Variants in RNF152 observed in about 807,000 individuals in gnomAD.
The protein encoded by RNF152 is ring finger protein 152, also known as E3 ubiquitin-protein ligase RNF152.
RNF152 carries 11 observed loss-of-function variants against 12.7 expected under a neutral mutation model. The ratio of observed to expected loss-of-function variants is 0.86; its 90% CI spans 0.54 to 1.43. The LOEUF (loss-of-function observed/expected upper bound fraction) is 1.43. Ranked by LOEUF, RNF152 falls within the 40% of genes most tolerant of loss-of-function variation. RNF152 has a pLI of 0.00. For synonymous variants in RNF152, 113 were observed against 120.3 expected (o/e 0.94, Z 0.40); for missense variants, 255 against 274.8 (o/e 0.93, Z 0.51).
chr18:61,839,222 T>A (rs1325684283), intron 1 of RNF152, among the ~76,000 whole-genome samples: 2 of 152,158 alleles, frequency 1.3e-5, no homozygotes, highest in African/African-American at 4.8e-5. Flanking sequence ...TCAGATCTCA[T>A]CCACATTTCA....
At chr18:61,824,977 G>A (rs918949469) in intron 1 of RNF152, among the ~76,000 whole-genome samples, 1 of 152,202 alleles carries the variant, frequency 6.6e-6, no homozygotes, top group Non-Finnish European at 1.5e-5. Flanking sequence ...AGCAAATAAA[G>A]ATGATCAATT....
chr18:61,864,884 G>T (rs1911660071), intron 1 of RNF152, among the ~76,000 whole-genome samples: 1 of 152,234 alleles, frequency 6.6e-6, no homozygotes, highest in African/African-American at 2.4e-5. Flanking sequence ...GCCAGGCGTG[G>T]TGGCGCGTGC....
Position 61,816,399 on chromosome 18 carries a change from CG to C in RNF152, c.64del (p.Arg22GlyfsTer21), listed in dbSNP as rs1280697764. 8 of 1,613,864 alleles carry C rather than the reference CG, an allele frequency of 5.0e-6. No individual in the cohort carries two copies. Among genetic ancestry groups the C allele is most frequent in the Non-Finnish European group, 6.8e-6 (8 of 1,179,994 alleles). On this transcript the variant is annotated frameshift_variant, in exon 2 of 2. Coordinates refer to ENST00000312828, the MANE Select transcript of RNF152 (RefSeq NM_173557.3). LOFTEE classifies it high-confidence loss of function. ...GCAGTCCAGCAACTTGGGCCTGCGC[CG>C]GGGGCTGTAGTAATTGAAACAGATC... ...CQICFNYYSP[R>X]RRPKLLDCKH...
intron 1 of RNF152, among the ~76,000 whole-genome samples, chr18:61,838,691 G>T (rs1224509195): frequency 2.0e-5 from 3 of 152,254 alleles, no homozygotes; most frequent in South Asian, 4.1e-4. Flanking sequence ...CTTTTATCAG[G>T]ATGGCACTAG....
chr18:61,855,454 C>G (rs1434366984), intron 1 of RNF152, among the ~76,000 whole-genome samples: 1 of 152,244 alleles, frequency 6.6e-6, no homozygotes, highest in East Asian at 1.9e-4. Context: ...GCTCCTCGAG[C>G]CAGGGCTGTG....
rs1012862094 is a variant in RNF152, at chr18:61,825,447, C to T, written c.-135-8849G>A. On this transcript the variant is annotated intron_variant, in intron 1 of 1. Coordinates refer to ENST00000312828, the MANE Select transcript of RNF152 (RefSeq NM_173557.3). ...AGCTGGCCCACTGTTCTTTCCACTC[C>T]AGAGATACTGGAGAGAGAAGAAAAC... 3.6e-4 allele frequency among the ~76,000 whole-genome samples: 55 copies of T among 152,222 alleles called. 1 individual carries two copies. Among genetic ancestry groups the T allele is most frequent in the Non-Finnish European group, 1.5e-4 (10 of 68,048 alleles).
intron 1 of RNF152, among the ~76,000 whole-genome samples, chr18:61,883,610 G>A (rs924085364): frequency 1.3e-5 from 2 of 152,034 alleles, no homozygotes; most frequent in East Asian, 3.9e-4. Flanking sequence ...AATTTTTCTG[G>A]GACTGTTTTA....
chr18:61,854,748 A>T (rs1911141754), intron 1 of RNF152, among the ~76,000 whole-genome samples: 1 of 152,226 alleles, frequency 6.6e-6, no homozygotes, highest in Non-Finnish European at 1.5e-5. Flanking sequence ...AAAAGAACCC[A>T]GTGCTGAATC....
intron 1 of RNF152, among the ~76,000 whole-genome samples, chr18:61,877,467 A>G (rs976533246): frequency 6.6e-6 from 1 of 152,342 alleles, no homozygotes; most frequent in Middle Eastern, 3.4e-3. Context: ...TTCCCAAAAA[A>G]TGTTAAAATG....
chr18:61,881,623 C>G (rs1158223006), intron 1 of RNF152, among the ~76,000 whole-genome samples: 1 of 152,190 alleles, frequency 6.6e-6, no homozygotes, highest in Non-Finnish European at 1.5e-5. Context: ...TAGGCTGACT[C>G]AGGTTTAGAA....
intron 1 of RNF152, among the ~76,000 whole-genome samples, chr18:61,881,209 G>C (rs992971414): frequency 3.3e-5 from 5 of 152,092 alleles, no homozygotes; most frequent in Non-Finnish European, 7.4e-5. Context: ...ACCGCACCCG[G>C]CCTTCTCTCT....
In RNF152 at chr18:61,813,136, C is replaced by CACAT. The variant is rs1648392076; in HGVS notation, c.*2712_*2715dup. ...GCCTCTTGTGTCAGTGGACTTTGGT[C>CACAT]ACATGGGTAGATGTGTTTGTTAAGG... On this transcript the variant is annotated 3_prime_UTR_variant, in exon 2 of 2. Transcript: ENST00000312828. The CACAT allele has an allele frequency of 6.6e-6, 1 of 152,056 alleles. No homozygotes were observed. Among genetic ancestry groups the CACAT allele is most frequent in the Non-Finnish European group, 1.5e-5 (1 of 68,024 alleles). 9.4% of individuals were successfully genotyped at this position (152,056 alleles called of 1,614,324 possible).
At position 61,811,479 on chromosome 18, in the gene RNF152, T is replaced by C. The variant is rs929223725; in HGVS notation, c.*4373A>G. The stretch of plus-strand genomic sequence containing the variant: ...AATCTTCAACTCTTTCAGGGATAAC[T>C]GAAATTTTTGCTTAAAAAAGAAAGA... On this transcript the variant is annotated 3_prime_UTR_variant, in exon 2 of 2. Coordinates refer to ENST00000312828, the MANE Select transcript of RNF152 (RefSeq NM_173557.3). 6.6e-6 allele frequency: 1 copy of C among 152,252 alleles called. No individual in the cohort carries two copies. Among genetic ancestry groups the C allele is most frequent in the South Asian group, 2.1e-4 (1 of 4,832 alleles). The allele number at this position is 152,252 out of a possible 1,614,324, so 9.4% of individuals were successfully genotyped here.
chr18:61,870,891 T>A (rs1310471138), intron 1 of RNF152, among the ~76,000 whole-genome samples: 2 of 151,982 alleles, frequency 1.3e-5, no homozygotes, highest in African/African-American at 4.8e-5. Flanking sequence ...CATGATTCCA[T>A]CCCCCAAATC....
intron 1 of RNF152, among the ~76,000 whole-genome samples, chr18:61,868,610 G>A (rs1911844410): frequency 6.6e-6 from 1 of 152,132 alleles, no homozygotes; most frequent in Admixed American, 6.5e-5. Context: ...GTCTGAGGCA[G>A]GAGAATCTCA....
chr18:61,886,607 C>A (rs1390484597), intron 1 of RNF152, among the ~76,000 whole-genome samples: 1 of 152,218 alleles, frequency 6.6e-6, no homozygotes, highest in East Asian at 1.9e-4. Context: ...ACTGTGCCCC[C>A]AACCCTCTCC....
chr18:61,857,486 C>T (rs540770463), intron 1 of RNF152, among the ~76,000 whole-genome samples: 3 of 152,264 alleles, frequency 2.0e-5, no homozygotes, highest in East Asian at 3.9e-4. Context: ...TTTTCAAAAG[C>T]CATAAAAATG....
In RNF152 at chr18:61,815,745, T is replaced by G. The variant is rs1251788441; in HGVS notation, c.*107A>C. The G allele has an allele frequency of 6.1e-6, 8 of 1,312,782 alleles. No individual in the cohort carries two copies. The highest frequency in any genetic ancestry group is 1.5e-5 in the African/African-American group (1 of 68,394). 81.3% of individuals were successfully genotyped at this position (1,312,782 alleles called of 1,614,324 possible). ...CAAGAGGCAACCCAGAGGCCAGCGC[T>G]CAGCACCAAATGGTCAGTGTTGCCC... On this transcript the variant is annotated 3_prime_UTR_variant, in exon 2 of 2. Coordinates refer to ENST00000312828, the MANE Select transcript of RNF152 (RefSeq NM_173557.3).
At position 61,809,536 on chromosome 18, in the gene RNF152, A is replaced by G. The variant is rs1474402548; in HGVS notation, c.*6316T>C. 6.6e-6 allele frequency: 1 copy of G among 152,194 alleles called. No homozygotes were observed. Among genetic ancestry groups the G allele is most frequent in the African/African-American group, 2.4e-5 (1 of 41,450 alleles). The allele number at this position is 152,194 out of a possible 1,614,324, so 9.4% of individuals were successfully genotyped here. On this transcript the variant is annotated 3_prime_UTR_variant, in exon 2 of 2. Coordinates refer to ENST00000312828, the MANE Select transcript of RNF152 (RefSeq NM_173557.3). ...GAATAACCCAATAACTCACACCCCA[A>G]GGAGATTACAGAAGACTTTCACATG...
Sources: allele counts gnomAD v4.1 joint callset (sites outside exome capture counted in the v4.1 genomes callset), GRCh38; gene constraint gnomAD v4.1.1; transcripts MANE v1.5; gene names NCBI Gene and HGNC (gene_info 2026-07-23, HGNC 2026-07-21).